The following CNTN3 variants were observed in gnomAD, a reference collection of about 807,000 sequenced individuals.
CNTN3 encodes the protein contactin-3.
CNTN3 carries 60 observed loss-of-function variants against 119.1 expected under a neutral mutation model. The observed-to-expected ratio is 0.50, with a 90% CI of 0.41 to 0.62. CNTN3 has a LOEUF of 0.62. CNTN3 is among the 20% of genes least tolerant of loss of function. The pLI is 0.00. For synonymous variants in CNTN3, 450 were observed against 438.7 expected (o/e 1.03, Z -0.32); for missense variants, 1,101 against 1,242.4 (o/e 0.89, Z 1.71).
intron 5 of CNTN3, among the ~76,000 whole-genome samples, chr3:74,374,035 G>A (rs1454878747): frequency 3.3e-5 from 5 of 152,032 alleles, no homozygotes; most frequent in Non-Finnish European, 5.9e-5. Flanking sequence ...ACCTCCCTGC[G>A]CTGCTCCTAG....
At chr3:74,415,793 C>A (rs921569996) in intron 5 of CNTN3, among the ~76,000 whole-genome samples, 3 of 152,282 alleles carry the variant, frequency 2.0e-5, no homozygotes, top group African/African-American at 7.2e-5. Context: ...ATCTCAGCTC[C>A]TGAGGCATCA....
In CNTN3 at chr3:74,263,520, T is replaced by TA. The variant is rs1343512752; in HGVS notation, c.*880dup. 2 of 152,034 alleles carry TA rather than the reference T, an allele frequency of 1.3e-5. No individual in the cohort carries two copies. Among genetic ancestry groups the TA allele is most frequent in the South Asian group, 2.1e-4 (1 of 4,822 alleles). The allele number at this position is 152,034 out of a possible 1,614,324, so 9.4% of individuals were successfully genotyped here. A position where few individuals can be genotyped will look rare whatever the true frequency, so the allele number is the denominator to read the frequency against. On this transcript the variant is annotated 3_prime_UTR_variant, in exon 23 of 23. Transcript: ENST00000263665. ...GAAGGAAACAATTCCTTTTTTAATT[T>TA]AAAAAAACTTTTTTTTTTTGAGAAA... is the stretch of plus-strand genomic sequence containing the variant.
At position 74,559,417 on chromosome 3, in the gene CNTN3, G is replaced by A. The variant is rs144577106; in HGVS notation, c.-80-38225C>T. Among the ~76,000 whole-genome samples the A allele has an allele frequency of 2.0e-3, 311 of 152,180 alleles. 4 individuals are homozygous for A. The highest frequency in any genetic ancestry group is 6.2e-3 in the African/African-American group (259 of 41,554). On this transcript the variant is annotated intron_variant, in intron 1 of 22. Transcript: ENST00000263665. ...CTCCTTTGGGGCCTCATTAGTGCCC[G>A]CTCCCCAGCAGCTCAGAGGATTCCT...
At chr3:74,346,610 GATCATAAATTATGAGT>G in intron 11 of CNTN3, among the ~76,000 whole-genome samples, 1 of 152,244 alleles carries the variant, frequency 6.6e-6, no homozygotes, top group East Asian at 1.9e-4. Flanking sequence ...TTGTATAACA[GATCATAAATTATGAGT>G]AAGTCCTCTC....
chr3:74,406,991 A>C (rs1439262894), intron 5 of CNTN3, among the ~76,000 whole-genome samples: 1 of 152,186 alleles, frequency 6.6e-6, no homozygotes, highest in Non-Finnish European at 1.5e-5. Flanking sequence ...GAATAAAAGA[A>C]AAGTATAAAT....
intron 4 of CNTN3, among the ~76,000 whole-genome samples, chr3:74,468,411 T>C (rs965002621): frequency 1.3e-5 from 2 of 152,136 alleles, no homozygotes; most frequent in African/African-American, 4.8e-5. Flanking sequence ...TAAATGTACA[T>C]GTCACTAGGA....
At chr3:74,593,360 G>T (rs185947443) in intron 1 of CNTN3, among the ~76,000 whole-genome samples, 61 of 152,024 alleles carry the variant, frequency 4.0e-4, no homozygotes, top group African/African-American at 1.4e-3. Context: ...TGGTACAAAG[G>T]TGATTTGCTT....
intron 18 of CNTN3, among the ~76,000 whole-genome samples, chr3:74,296,448 A>C (rs968067839): frequency 2.0e-5 from 3 of 152,170 alleles, no homozygotes; most frequent in Non-Finnish European, 4.4e-5. Flanking sequence ...TCTGGCTATG[A>C]ATTTAAGACT....
chr3:74,529,406 G>C (rs1310633699), intron 1 of CNTN3, among the ~76,000 whole-genome samples: 1 of 151,856 alleles, frequency 6.6e-6, no homozygotes, highest in Non-Finnish European at 1.5e-5. Flanking sequence ...AAAATGTAGT[G>C]GCAACTCTAA....
intron 4 of CNTN3, among the ~76,000 whole-genome samples, chr3:74,459,365 G>A (rs1368869522): frequency 6.6e-6 from 1 of 151,780 alleles, no homozygotes; most frequent in Non-Finnish European, 1.5e-5. Context: ...CCTTATCAAG[G>A]CCACCATCAT....
intron 13 of CNTN3, among the ~76,000 whole-genome samples, chr3:74,317,157 AC>A (rs1406693508): frequency 1.5e-5 from 2 of 135,156 alleles, no homozygotes; most frequent in African/African-American, 5.5e-5. Flanking sequence ...TAGGATTGCA[AC>A]CCCTGCCTTT....
intron 5 of CNTN3, among the ~76,000 whole-genome samples, chr3:74,398,899 A>G (rs2106844953): frequency 6.6e-6 from 1 of 152,342 alleles, no homozygotes; most frequent in Admixed American, 6.5e-5. Context: ...TAATTGACAC[A>G]TAATAATTGT....
At chr3:74,304,491 G>A (rs1702520482) in intron 13 of CNTN3, among the ~76,000 whole-genome samples, 1 of 152,144 alleles carries the variant, frequency 6.6e-6, no homozygotes, top group South Asian at 2.1e-4. Flanking sequence ...AAGGCATTGG[G>A]GTAAGGTTGT....
chr3:74,601,727 C>T (rs1189562364), intron 1 of CNTN3, among the ~76,000 whole-genome samples: 1 of 152,076 alleles, frequency 6.6e-6, no homozygotes, highest in Non-Finnish European at 1.5e-5. Flanking sequence ...GATAATTCCC[C>T]ACCCTTGACT....
intron 18 of CNTN3, among the ~76,000 whole-genome samples, chr3:74,296,238 G>A (rs182548872): frequency 3.0e-4 from 46 of 152,206 alleles, no homozygotes; most frequent in Admixed American, 2.9e-3. Flanking sequence ...TCTGCAGCAG[G>A]AGCAAAAATG....
At chr3:74,321,125 A>T (rs1702977874) in intron 13 of CNTN3, among the ~76,000 whole-genome samples, 1 of 152,104 alleles carries the variant, frequency 6.6e-6, no homozygotes, top group Non-Finnish European at 1.5e-5. Flanking sequence ...AACACTGGAG[A>T]ATACAAGAGG....
At chr3:74,498,276 T>A (rs548001684) in intron 3 of CNTN3, among the ~76,000 whole-genome samples, 3 of 151,870 alleles carry the variant, frequency 2.0e-5, no homozygotes, top group Non-Finnish European at 4.4e-5. Flanking sequence ...AAAAAAATAT[T>A]GTTAAGCTGA....
At position 74,614,570 on chromosome 3, in the gene CNTN3, A is replaced by G. The variant is rs925047337; in HGVS notation, c.-260T>C. ...CCCTCGTCCGCACGGTTCCCGGCCC[A>G]GTCCACGGCGCCAGCCCGCCCGCCG... On this transcript the variant is annotated 5_prime_UTR_variant, in exon 1 of 23. Transcript: ENST00000263665. Among the ~76,000 whole-genome samples the G allele has an allele frequency of 1.4e-5, 2 of 146,874 alleles. No homozygotes were observed. Among genetic ancestry groups the G allele is most frequent in the South Asian group, 4.2e-4 (2 of 4,740 alleles).
intron 19 of CNTN3, 62 bp from the exon 20 acceptor site, chr3:74,285,553 G>A: frequency 6.7e-7 from 1 of 1,481,840 alleles, no homozygotes; most frequent in Non-Finnish European, 9.1e-7. Context: ...TCCATTAAGT[G>A]ATTTTCATTA....
Sources: allele counts gnomAD v4.1 joint callset (sites outside exome capture counted in the v4.1 genomes callset), GRCh38; gene constraint gnomAD v4.1.1; transcripts MANE v1.5; gene names NCBI Gene and HGNC (gene_info 2026-07-23, HGNC 2026-07-21).